DGAT1: variants seen among roughly 807,000 people sequenced by gnomAD.
The protein encoded by DGAT1 is ACAT related gene product 1.
DGAT1 carries 60 observed loss-of-function variants against 72.6 expected under a neutral mutation model. The ratio of observed to expected loss-of-function variants is 0.83; its 90% CI spans 0.67 to 1.02. DGAT1 has a LOEUF of 1.02. DGAT1 is among the 50% of genes least tolerant of loss of function. The pLI, the probability that DGAT1 is intolerant of heterozygous loss-of-function variation, is 0.00. For missense variants in DGAT1, 592 were observed against 670.0 expected (o/e 0.88, Z 1.29); for synonymous variants, 290 against 267.5 (o/e 1.08, Z -0.82).
rs782058254 is a variant in DGAT1, at chr8:144,317,005, C to T, written c.1248+17G>A. ...CCCTGCCCAGGGATGAGGCAAGATG[C>T]CCCCCAGAGCACTGACCTCGTGGAA... On this transcript the variant is annotated intron_variant, in intron 15 of 16. Transcript: ENST00000528718. 6 of 1,610,824 alleles carry T rather than the reference C, an allele frequency of 3.7e-6. No homozygotes were observed. The highest frequency in any genetic ancestry group is 4.2e-6 in the Non-Finnish European group (5 of 1,178,644).
chr8:144,321,582 G>T (rs1554848166), intron 1 of DGAT1, among the ~76,000 whole-genome samples, 174 bp from the exon 2 acceptor site: 4 of 152,184 alleles, frequency 2.6e-5, no homozygotes, highest in African/African-American at 9.7e-5. Context: ...ACCTACAGTG[G>T]GCAAAGCTCT....
chr8:144,317,466 G>A (rs969388395), intron 12 of DGAT1, 21 bp from the exon 13 acceptor site: 1 of 1,613,642 alleles, frequency 6.2e-7, no homozygotes, highest in Non-Finnish European at 8.5e-7. Flanking sequence ...GGTGGGGGTG[G>A]GCACCAAGTT....
chr8:144,325,823 A>G (rs1177970221), intron 1 of DGAT1, among the ~76,000 whole-genome samples: 1 of 152,198 alleles, frequency 6.6e-6, no homozygotes, highest in Non-Finnish European at 1.5e-5. Context: ...TGGCTCTGGC[A>G]ACATCGGCAG....
chr8:144,323,495 G>T (rs782607516), intron 1 of DGAT1, among the ~76,000 whole-genome samples: 1 of 152,126 alleles, frequency 6.6e-6, no homozygotes, highest in African/African-American at 2.4e-5. Context: ...CAGTCAGTGC[G>T]GCCAGCAGCA....
chr8:144,318,163 G>A lies in DGAT1; in HGVS notation c.683C>T (p.Ala228Val). The change falls in exon 8 of 17, where the codon GCA (alanine) becomes GTA (valine). Residue 228 changes from alanine to valine, a missense_variant. Coordinates refer to ENST00000528718, the MANE Select transcript of DGAT1 (RefSeq NM_012079.6). Reference sequence around the variant, plus strand: ...AGCAGCACTGCTGGCCTTCTTCCCTGCAGAGGCTACGAGCACAGCAGAGTG... The same window carrying A: ...AGCAGCACTGCTGGCCTTCTTCCCTACAGAGGCTACGAGCACAGCAGAGTG... ...CRRARAKAASAGKKASSAAAP... is the reference protein window; with the variant it reads ...CRRARAKAASVGKKASSAAAP... 6.3e-7 allele frequency: 1 copy of A among 1,597,020 alleles called. No homozygotes were observed. Among genetic ancestry groups the A allele is most frequent in the Non-Finnish European group, 8.5e-7 (1 of 1,170,200 alleles).
At chr8:144,321,754 C>G (rs1404973302) in intron 1 of DGAT1, among the ~76,000 whole-genome samples, 1 of 152,260 alleles carries the variant, frequency 6.6e-6, no homozygotes, top group African/African-American at 2.4e-5. Flanking sequence ...TGGCTGTGGA[C>G]TAGCACTGGG....
At chr8:144,318,200 G>A in intron 7 of DGAT1, 31 bp from the exon 8 acceptor site, 1 of 1,609,582 alleles carries the variant, frequency 6.2e-7, no homozygotes, top group South Asian at 1.1e-5. Flanking sequence ...GAGGGGGCTG[G>A]TGGGGCCCTG....
In DGAT1 at chr8:144,317,178, C is replaced by G. The variant is rs1478364387; in HGVS notation, c.1160+9G>C. 2 of 1,607,006 alleles carry G rather than the reference C, an allele frequency of 1.2e-6. No homozygotes were observed. Among genetic ancestry groups the G allele is most frequent in the East Asian group, 4.5e-5 (2 of 44,688 alleles). On this transcript the variant is annotated intron_variant, in intron 14 of 16. Coordinates refer to ENST00000528718, the MANE Select transcript of DGAT1 (RefSeq NM_012079.6). The stretch of plus-strand genomic sequence containing the variant: ...TGTTCCACATCACACACACACACAC[C>G]CCACCTACCTGATGCACCACTTGTG...
At position 144,315,576 on chromosome 8, in the gene DGAT1, CCT is replaced by C. The variant is rs1554846808; in HGVS notation, c.*976_*977del. On this transcript the variant is annotated 3_prime_UTR_variant, in exon 17 of 17. Coordinates refer to ENST00000528718, the MANE Select transcript of DGAT1 (RefSeq NM_012079.6). ...GCAGCAGCAGGGCCCTGGGGTTACC[CCT>C]GACCTCCCGCTACCATCAAGGGGGG... 1 of 985,548 alleles carries C rather than the reference CCT, an allele frequency of 1.0e-6. No homozygotes were observed. Among genetic ancestry groups the C allele is most frequent in the Non-Finnish European group, 1.2e-6 (1 of 830,100 alleles). The allele number at this position is 985,548 out of a possible 1,614,324, so 61.1% of individuals were successfully genotyped here. A position where few individuals can be genotyped will look rare whatever the true frequency, so the allele number is the denominator to read the frequency against.
At chr8:144,326,373 C>T in intron 1 of DGAT1, 64 bp downstream of exon 1, 1 of 1,330,002 alleles carries the variant, frequency 7.5e-7, no homozygotes, top group East Asian at 3.2e-5. Context: ...GCTCGCGCTT[C>T]GGCCAACCCC....
Position 144,318,783 on chromosome 8 carries a change from G to A in DGAT1, c.416-32C>T, listed in dbSNP as rs781797046. On this transcript the variant is annotated intron_variant, in intron 4 of 16. Transcript: ENST00000528718. ...ACAGAAGCACCAAGGGGCAGGTTTA[G>A]GGCCACGTCAGCCTGATCCCCACCC... 1.6e-5 allele frequency: 26 copies of A among 1,606,682 alleles called. No homozygotes were observed. The African/African-American group carries it at 3.3e-4, about 21-fold the overall frequency.
intron 2 of DGAT1, among the ~76,000 whole-genome samples, chr8:144,319,802 A>T (rs1208916356): frequency 6.6e-6 from 1 of 152,114 alleles, no homozygotes; most frequent in African/African-American, 2.4e-5. Context: ...TCCATCTTAC[A>T]AGCACTACCA....
At chr8:144,323,841 A>T (rs1223672635) in intron 1 of DGAT1, among the ~76,000 whole-genome samples, 3 of 152,254 alleles carry the variant, frequency 2.0e-5, no homozygotes, top group African/African-American at 7.2e-5. Context: ...CACACAGTGC[A>T]GCTCCAGGGC....
Position 144,314,804 on chromosome 8 carries a change from C to T in DGAT1, c.*1750G>A, listed in dbSNP as rs577410565. On this transcript the variant is annotated 3_prime_UTR_variant, in exon 17 of 17. Transcript: ENST00000528718. ...GGAGGGGCCCAGGGCACAGAAGGGC[C>T]GGGCTGCAGTGGCCTCCTGGGGGAA... 10 of 668,896 alleles carry T rather than the reference C, an allele frequency of 1.5e-5. No individual in the cohort carries two copies. Among genetic ancestry groups the T allele is most frequent in the African/African-American group, 7.8e-5 (4 of 51,218 alleles). The allele number at this position is 668,896 out of a possible 1,614,324, so 41.4% of individuals were successfully genotyped here.
In DGAT1 at chr8:144,318,031, G is replaced by A; in HGVS notation, c.752-14C>T. 3 of 1,516,682 alleles carry A rather than the reference G, an allele frequency of 2.0e-6. No individual in the cohort carries two copies. Among genetic ancestry groups the A allele is most frequent in the Non-Finnish European group, 2.6e-6 (3 of 1,133,808 alleles). The allele number at this position is 1,516,682 out of a possible 1,614,324, so 94.0% of individuals were successfully genotyped here. A position where few individuals can be genotyped will look rare whatever the true frequency, so the allele number is the denominator to read the frequency against. ...AGTAGTAGAGATCTGGAATGGGAAT[G>A]GGGGGTTGGTACCAGAACAGGCCCA... On this transcript the variant is annotated splice_polypyrimidine_tract_variant and intron_variant, in intron 8 of 16. Transcript: ENST00000528718.
chr8:144,319,052 C>T lies in DGAT1; in HGVS notation c.305G>A (p.Arg102Gln), dbSNP rs782036173. ...CTTGATGAGGTTCTCCAGAAATAAC[C>T]GGGCATTGCTCAAGATCTGCGAGGG... ...CVVMLILSNA[R>Q]LFLENLIKYG... The change falls in exon 3 of 17, where the codon CGG becomes CAG. Residue 102 changes from arginine to glutamine, a missense_variant. Physicochemically the swap from Arg to Gln is conservative, Grantham distance 43. Transcript: ENST00000528718. 8 of 1,556,458 alleles carry T rather than the reference C, an allele frequency of 5.1e-6. No individual in the cohort carries two copies. The highest frequency in any genetic ancestry group is 2.4e-5 in the East Asian group (1 of 41,398).
Position 144,314,815 on chromosome 8 carries a change from G to T in DGAT1, c.*1739C>A. ...GGGCACAGAAGGGCCGGGCTGCAGTGGCCTCCTGGGGGAAGACGGATGCTT... is the reference window on the plus strand; with the variant it reads ...GGGCACAGAAGGGCCGGGCTGCAGTTGCCTCCTGGGGGAAGACGGATGCTT... On this transcript the variant is annotated 3_prime_UTR_variant, in exon 17 of 17. Transcript: ENST00000528718. 1.3e-6 allele frequency: 1 copy of T among 779,156 alleles called. No homozygotes were observed. Among genetic ancestry groups the T allele is most frequent in the Non-Finnish European group, 1.6e-6 (1 of 639,080 alleles). 48.3% of individuals were successfully genotyped at this position (779,156 alleles called of 1,614,324 possible). A position where few individuals can be genotyped will look rare whatever the true frequency, so the allele number is the denominator to read the frequency against.
Position 144,318,559 on chromosome 8 carries a change from A to T in DGAT1, c.476T>A (p.Leu159Gln), listed in dbSNP as rs1817334041. The T allele has an allele frequency of 6.2e-7, 1 of 1,612,104 alleles. No individual in the cohort carries two copies. The highest frequency in any genetic ancestry group is 1.3e-5 in the African/African-American group (1 of 75,044). The change falls in exon 6 of 17, where the codon CTG (leucine) becomes CAG (glutamine). Residue 159 changes from leucine to glutamine, a missense_variant. Transcript: ENST00000528718. ...QVEKRLAVGA[L>Q]TEQAGLLLHV... ...CAGCAGCAGTCCCGCCTGCTCCGTC[A>T]GGGCACCCTGGAGTGGGGAGCAGAG...
rs1817329757 is a variant in DGAT1, at chr8:144,318,492, A to G, written c.543T>C (p.Ala181=). 1 of 1,611,650 alleles carries G rather than the reference A, an allele frequency of 6.2e-7. No homozygotes were observed. The highest frequency in any genetic ancestry group is 8.5e-7 in the Non-Finnish European group (1 of 1,179,894). The part of the protein sequence containing the change: ...NLATILCFPA[A]VVLLVESITP... ...TGATAGACTCAACCAGTAAGACCAC[A>G]GCCGCTGGGAAACACAGAATGGTGG... The change falls in exon 6 of 17, where the codon GCT becomes GCC. Residue 181 remains alanine (A), a synonymous_variant. Transcript: ENST00000528718.
Sources: allele counts gnomAD v4.1 joint callset (sites outside exome capture counted in the v4.1 genomes callset), GRCh38; gene constraint gnomAD v4.1.1; transcripts MANE v1.5; gene names NCBI Gene and HGNC (gene_info 2026-07-23, HGNC 2026-07-21).